Variants in USP44 observed in about 807,000 individuals in gnomAD.
The protein encoded by USP44 is ubiquitin carboxyl-terminal hydrolase 44.
Under a neutral mutation model 69.0 loss-of-function variants are expected in USP44, and 61 were observed. The observed-to-expected ratio is 0.88, with a 90% CI of 0.72 to 1.09. The LOEUF (loss-of-function observed/expected upper bound fraction) is 1.09, where lower values mean the gene tolerates loss of function less well. Among genes scored for constraint, USP44 ranks in the 50% least tolerant of loss-of-function variants. The probability of loss-of-function intolerance (pLI) is 0.00; values close to 1 mark genes in which losing one functional copy is unlikely to be tolerated. For missense variants in USP44, 753 were observed against 849.9 expected (o/e 0.89, Z 1.42); for synonymous variants, 297 against 295.4 (o/e 1.01, Z -0.06).
In USP44 at chr12:95,522,817, C is replaced by T. The variant is rs11108089; in HGVS notation, c.1734-1615G>A. 3.3e-3 allele frequency among the ~76,000 whole-genome samples: 485 copies of T among 148,196 alleles called. 2 individuals are homozygous for T. The highest frequency in any genetic ancestry group is 0.012 in the African/African-American group (461 of 39,994). On this transcript the variant is annotated intron_variant, in intron 4 of 5. Coordinates refer to ENST00000258499, the MANE Select transcript of USP44 (RefSeq NM_032147.5). Reference sequence around the variant, plus strand: ...AAAAAAAAAGTGTGTCTTTTGTATGCTAATGAGACAACTAGTGGCTGGCAA... The same window carrying T: ...AAAAAAAAAGTGTGTCTTTTGTATGTTAATGAGACAACTAGTGGCTGGCAA...
intron 1 of USP44, among the ~76,000 whole-genome samples, chr12:95,538,707 G>A (rs2077285469): frequency 6.6e-6 from 1 of 152,220 alleles, no homozygotes; most frequent in South Asian, 2.1e-4. Context: ...AGGGCACCGT[G>A]GAAAGCAGGA....
At chr12:95,523,109 C>T (rs781317206) in intron 4 of USP44, among the ~76,000 whole-genome samples, 1 of 152,164 alleles carries the variant, frequency 6.6e-6, no homozygotes, top group Non-Finnish European at 1.5e-5. Flanking sequence ...CCCCTTCCCA[C>T]AAGCCATGCC....
At chr12:95,527,660 T>A (rs1302938137) in intron 3 of USP44, among the ~76,000 whole-genome samples, 2 of 150,596 alleles carry the variant, frequency 1.3e-5, no homozygotes, top group Non-Finnish European at 3.0e-5. Context: ...AATTTCTATA[T>A]TTTTAGTAGA....
chr12:95,532,831 G>T lies in USP44; in HGVS notation c.1426C>A (p.Gln476Lys). 1 of 1,575,068 alleles carries T rather than the reference G, an allele frequency of 6.3e-7. No individual in the cohort carries two copies. Among genetic ancestry groups the T allele is most frequent in the South Asian group, 1.2e-5 (1 of 83,550 alleles). Residue 476 changes from glutamine to lysine, a missense_variant and splice_region_variant, in exon 2 of 6, where the codon CAG (glutamine) becomes AAG (lysine). Gln to Lys is a moderately conservative substitution (Grantham distance 53). Transcript: ENST00000258499. The part of the protein sequence containing the change: ...NNIFHGQLLS[Q>K]VTCLACDNKS... ...ATAAGATTCTTAAAAATCCATACCT[G>T]ACTAAGAAGTTGTCCATGAAAAATG...
intron 4 of USP44, among the ~76,000 whole-genome samples, chr12:95,523,629 T>C (rs1184403811): frequency 1.3e-5 from 2 of 148,932 alleles, no homozygotes; most frequent in Non-Finnish European, 3.0e-5. Flanking sequence ...GGTGAGCAGA[T>C]TGCCTGAGCT....
At chr12:95,521,593 T>A (rs2076664302) in intron 4 of USP44, among the ~76,000 whole-genome samples, 1 of 152,118 alleles carries the variant, frequency 6.6e-6, no homozygotes. Context: ...CCTCTGCCTC[T>A]CAGGTTCAAG....
intron 5 of USP44, 88 bp from the exon 6 acceptor site, chr12:95,518,441 GA>G: frequency 3.0e-6 from 4 of 1,333,028 alleles, no homozygotes; most frequent in Non-Finnish European, 4.1e-6. Context: ...TTTCTGAAGG[GA>G]AAATAATTTT....
At chr12:95,525,179 C>T (rs1471444958) in intron 3 of USP44, among the ~76,000 whole-genome samples, 1 of 152,234 alleles carries the variant, frequency 6.6e-6, no homozygotes, top group Non-Finnish European at 1.5e-5. Flanking sequence ...TCAAGCAATT[C>T]TCCTGCCTCA....
intron 2 of USP44, among the ~76,000 whole-genome samples, chr12:95,529,466 A>G (rs1352868316): frequency 2.7e-5 from 4 of 150,918 alleles, no homozygotes; most frequent in Admixed American, 1.3e-4. Context: ...CTCTGTCCCC[A>G]GTGCTAGGGT....
At position 95,516,775 on chromosome 12, in the gene USP44, T is replaced by A. The variant is rs1217197808; in HGVS notation, c.*1379A>T. Reference sequence around the variant, plus strand: ...CTTGTTTTGTGAAATTTAAGAAAAATTTATTGGTAGAGACCTCTTTCAAGT... The same window carrying A: ...CTTGTTTTGTGAAATTTAAGAAAAAATTATTGGTAGAGACCTCTTTCAAGT... On this transcript the variant is annotated 3_prime_UTR_variant, in exon 6 of 6. Coordinates refer to ENST00000258499, the MANE Select transcript of USP44 (RefSeq NM_032147.5). 2 of 152,110 alleles carry A rather than the reference T, an allele frequency of 1.3e-5. No homozygotes were observed. The highest frequency in any genetic ancestry group is 1.9e-4 in the East Asian group (1 of 5,200). The allele number at this position is 152,110 out of a possible 1,614,324, so 9.4% of individuals were successfully genotyped here.
At chr12:95,519,665 C>G (rs1402968298) in intron 5 of USP44, among the ~76,000 whole-genome samples, 2 of 150,576 alleles carry the variant, frequency 1.3e-5, no homozygotes, top group Admixed American at 6.6e-5. Flanking sequence ...ATCTCCTGAC[C>G]TCGTGATCCA....
Position 95,517,910 on chromosome 12 carries a change from A to G in USP44, c.*244T>C, listed in dbSNP as rs1032609408. The G allele has an allele frequency of 5.3e-4, 178 of 333,108 alleles. 1 individual carries two copies. Among genetic ancestry groups the G allele is most frequent in the African/African-American group, 3.6e-3 (172 of 47,532 alleles). 20.6% of individuals were successfully genotyped at this position (333,108 alleles called of 1,614,324 possible). A position where few individuals can be genotyped will look rare whatever the true frequency, so the allele number is the denominator to read the frequency against. Reference sequence around the variant, plus strand: ...TCATCCGAGCCAATTAAGACATAAAAATATAAAAGAGGTAACATCAGTCTG... The same window carrying G: ...TCATCCGAGCCAATTAAGACATAAAGATATAAAAGAGGTAACATCAGTCTG... On this transcript the variant is annotated 3_prime_UTR_variant, in exon 6 of 6. Coordinates refer to ENST00000258499, the MANE Select transcript of USP44 (RefSeq NM_032147.5).
intron 4 of USP44, among the ~76,000 whole-genome samples, chr12:95,522,542 C>T (rs371414223): frequency 2.6e-5 from 4 of 151,924 alleles, no homozygotes; most frequent in African/African-American, 9.7e-5. Context: ...CCTTGGGAGG[C>T]CGAGGTGGGT....
At chr12:95,541,446 G>T (rs2077386041) in intron 1 of USP44, among the ~76,000 whole-genome samples, 1 of 151,984 alleles carries the variant, frequency 6.6e-6, no homozygotes, top group Non-Finnish European at 1.5e-5. Context: ...TGGCACAGTT[G>T]CGTGTGCCTA....
intron 1 of USP44, among the ~76,000 whole-genome samples, chr12:95,539,169 A>C (rs1460110880): frequency 1.3e-5 from 2 of 151,986 alleles, no homozygotes; most frequent in African/African-American, 4.8e-5. Flanking sequence ...ATCAGTAGCT[A>C]TCAAATGGCT....
intron 1 of USP44, among the ~76,000 whole-genome samples, chr12:95,537,519 A>T (rs1439560442): frequency 6.6e-6 from 1 of 152,024 alleles, no homozygotes; most frequent in African/African-American, 2.4e-5. Context: ...GGGTTTCACC[A>T]TGTTGGCCAG....
rs1325025410 is a variant in USP44, at chr12:95,551,328, T to G, written c.-127A>C. The G allele has an allele frequency of 6.6e-6, 1 of 152,422 alleles. No individual in the cohort carries two copies. Among genetic ancestry groups the G allele is most frequent in the East Asian group, 1.9e-4 (1 of 5,174 alleles). 9.4% of individuals were successfully genotyped at this position (152,422 alleles called of 1,614,324 possible). A position where few individuals can be genotyped will look rare whatever the true frequency, so the allele number is the denominator to read the frequency against. The stretch of plus-strand genomic sequence containing the variant: ...GGTCGGCCTTTGGATAACTCAGAGG[T>G]CAGTCCCTGCAGGATCGCCCAGTTT... On this transcript the variant is annotated 5_prime_UTR_variant, in exon 1 of 6. An upstream open reading frame in the 5' UTR loses its in-frame stop. Transcript: ENST00000258499.
At chr12:95,521,953 A>T (rs2076679073) in intron 4 of USP44, 1 of 758,226 alleles carries the variant, frequency 1.3e-6, no homozygotes, top group African/African-American at 1.9e-5. Context: ...AAACAACAGG[A>T]ACTGTGTCCC....
At chr12:95,524,612 C>T (rs563258926) in intron 4 of USP44, 68 bp downstream of exon 4, 1 of 1,186,174 alleles carries the variant, frequency 8.4e-7, no homozygotes, top group Non-Finnish European at 1.2e-6. Flanking sequence ...TTATAACATG[C>T]ATTCTTTAAG....
Sources: gnomAD v4.1 joint callset for allele counts (sites outside exome capture counted in the v4.1 genomes callset) on GRCh38, gnomAD v4.1.1 for gene constraint, MANE v1.5 for transcripts, NCBI Gene and HGNC (gene_info 2026-07-23, HGNC 2026-07-21) for gene names.